KCNQ2: variants seen among roughly 807,000 people sequenced by gnomAD.
KCNQ2 encodes the protein potassium voltage-gated channel subfamily Q member 2, also known as potassium voltage-gated channel subfamily KQT member 2.
KCNQ2 carries 14 observed loss-of-function variants against 84.8 expected under a neutral mutation model. The ratio of observed to expected loss-of-function variants is 0.17; its 90% CI spans 0.11 to 0.26. The LOEUF (loss-of-function observed/expected upper bound fraction) is 0.26, where lower values mean the gene tolerates loss of function less well. Ranked by LOEUF, KCNQ2 falls within the 10% of genes least tolerant of loss-of-function variation. The probability of loss-of-function intolerance (pLI) is 1.00; values close to 1 mark genes in which losing one functional copy is unlikely to be tolerated. For missense variants in KCNQ2, 788 were observed against 1,254.0 expected (o/e 0.63, Z 5.61); for synonymous variants, 599 against 554.1 (o/e 1.08, Z -1.14).
intron 4 of KCNQ2, among the ~76,000 whole-genome samples, chr20:63,442,930 C>T (rs2081252309): frequency 1.1e-5 from 1 of 92,914 alleles, no homozygotes; most frequent in Non-Finnish European, 2.3e-5. Context: ...CCACCATCAC[C>T]ATCACCACCA....
chr20:63,430,130 G>T (rs538853999), intron 9 of KCNQ2, among the ~76,000 whole-genome samples: 7 of 152,344 alleles, frequency 4.6e-5, no homozygotes, highest in African/African-American at 1.4e-4. Flanking sequence ...AGCCACATAG[G>T]AGGCCATGCC....
rs549748322 is a variant in KCNQ2 at position 63,436,709 on chromosome 20, G to A, written c.1023+1916C>T. Reference sequence around the variant, plus strand: ...ATTTGTAAGTGAAAGTACGTGCAGTGTTTTACTGTTTTTTAGACATAATGC... The same window carrying A: ...ATTTGTAAGTGAAAGTACGTGCAGTATTTTACTGTTTTTTAGACATAATGC... On this transcript the variant is annotated intron_variant, in intron 7 of 16. Coordinates refer to ENST00000359125, the MANE Select transcript of KCNQ2 (RefSeq NM_172107.4). Among the ~76,000 whole-genome samples, 51 of 150,550 alleles carry A rather than the reference G, an allele frequency of 3.4e-4. 1 individual carries two copies. Among genetic ancestry groups the A allele is most frequent in the South Asian group, 1.7e-3 (8 of 4,750 alleles).
intron 1 of KCNQ2, among the ~76,000 whole-genome samples, chr20:63,462,208 C>A (rs1255789536): frequency 1.4e-5 from 2 of 138,610 alleles, no homozygotes; most frequent in Non-Finnish European, 3.1e-5. Context: ...CCCCAGGGAG[C>A]AGGGAGGAGG....
intron 10 of KCNQ2, among the ~76,000 whole-genome samples, chr20:63,426,243 C>T (rs555000054): frequency 6.6e-6 from 1 of 152,254 alleles, no homozygotes; most frequent in Non-Finnish European, 1.5e-5. Flanking sequence ...CAGGCCGCAA[C>T]GCCGTTAGAC....
In KCNQ2 at chr20:63,407,391, C is replaced by G. The variant is rs778772353; in HGVS notation, c.1888-16G>C. 3 of 1,597,508 alleles carry G rather than the reference C, an allele frequency of 1.9e-6. No individual in the cohort carries two copies. Among genetic ancestry groups the G allele is most frequent in the Non-Finnish European group, 2.5e-6 (3 of 1,179,540 alleles). On this transcript the variant is annotated splice_polypyrimidine_tract_variant and intron_variant, in intron 16 of 16. Transcript: ENST00000359125. The surrounding 1 kb of genome is among the most constrained non-coding windows in gnomAD (Gnocchi z 7.2). ...TGGACAAGACCTGCAAAAGGGGCTGCTGGGCTGGGGTGCGAGGGCCCGTCC... is the reference window on the plus strand; with the variant it reads ...TGGACAAGACCTGCAAAAGGGGCTGGTGGGCTGGGGTGCGAGGGCCCGTCC...
intron 11 of KCNQ2, among the ~76,000 whole-genome samples, chr20:63,420,580 C>T (rs910018321): frequency 6.6e-6 from 1 of 152,074 alleles, no homozygotes; most frequent in Non-Finnish European, 1.5e-5. Context: ...AAGAAAGCAC[C>T]CAGCCTCCCG....
intron 1 of KCNQ2, among the ~76,000 whole-genome samples, chr20:63,455,532 T>G (rs972671110): frequency 6.6e-6 from 1 of 152,086 alleles, no homozygotes; most frequent in African/African-American, 2.4e-5. Flanking sequence ...AGACTGAGCA[T>G]GGAGCAGCGG....
intron 1 of KCNQ2, among the ~76,000 whole-genome samples, chr20:63,452,026 G>A (rs757082104): frequency 1.2e-4 from 19 of 152,250 alleles, no homozygotes; most frequent in Non-Finnish European, 1.9e-4. Flanking sequence ...GGGCACAGGC[G>A]GCCCGGCCAA....
chr20:63,444,641 CT>C lies in KCNQ2; in HGVS notation c.690+17del. 2 of 1,535,570 alleles carry C rather than the reference CT, an allele frequency of 1.3e-6. No individual in the cohort carries two copies. The highest frequency in any genetic ancestry group is 1.8e-6 in the Non-Finnish European group (2 of 1,135,304). Reference sequence around the variant, plus strand: ...CTGGCTGGGGGCGCCCACCGCCAGCCTTGGGGCCGTGACTCACCTTGCTGTG... The same window carrying C: ...CTGGCTGGGGGCGCCCACCGCCAGCCTGGGGCCGTGACTCACCTTGCTGTG... On this transcript the variant is annotated intron_variant, in intron 4 of 16. Transcript: ENST00000359125.
chr20:63,411,308 C>T (rs984322554), intron 15 of KCNQ2, among the ~76,000 whole-genome samples: 22 of 152,162 alleles, frequency 1.4e-4, no homozygotes, highest in Non-Finnish European at 1.5e-4. Flanking sequence ...AGGTCTGGGC[C>T]GTGCACGTGG....
rs750925697 is a variant in KCNQ2, at chr20:63,413,585, C to T, written c.1632-4G>A. On this transcript the variant is annotated splice_region_variant and splice_polypyrimidine_tract_variant and intron_variant, in intron 14 of 16. Coordinates refer to ENST00000359125, the MANE Select transcript of KCNQ2 (RefSeq NM_172107.4). ...GGACACCAGGAACCGCATGACACTG[C>T]AGGGGGGTGGGTGGGGCTGTGAGCC... The T allele has an allele frequency of 1.2e-6, 2 of 1,609,678 alleles. No homozygotes were observed. The highest frequency in any genetic ancestry group is 1.7e-5 in the Admixed American group (1 of 60,016).
chr20:63,437,806 T>C (rs1471806503), intron 7 of KCNQ2, among the ~76,000 whole-genome samples: 2 of 152,086 alleles, frequency 1.3e-5, no homozygotes, highest in African/African-American at 2.4e-5. Context: ...CTGCTGTCTG[T>C]CCATATTTTC....
intron 5 of KCNQ2, among the ~76,000 whole-genome samples, chr20:63,441,650 C>A (rs1242764385): frequency 1.3e-5 from 1 of 79,574 alleles, no homozygotes; most frequent in Non-Finnish European, 2.6e-5. Context: ...CTGAACCACA[C>A]AAGATGGCTC....
chr20:63,449,661 T>G (rs893460088), intron 1 of KCNQ2, among the ~76,000 whole-genome samples: 3 of 150,490 alleles, frequency 2.0e-5, no homozygotes, highest in African/African-American at 7.3e-5. Context: ...GAGGAGGGAC[T>G]CACCAAAGGC....
At chr20:63,420,823 G>A (rs532602623) in intron 11 of KCNQ2, among the ~76,000 whole-genome samples, 3 of 141,578 alleles carry the variant, frequency 2.1e-5, no homozygotes, top group South Asian at 2.2e-4. Context: ...GTACACAAGC[G>A]ACTTTGGGGT....
intron 1 of KCNQ2, among the ~76,000 whole-genome samples, chr20:63,452,544 C>T (rs897676960): frequency 1.3e-5 from 2 of 152,222 alleles, no homozygotes; most frequent in Non-Finnish European, 2.9e-5. Context: ...GGCCACCAGC[C>T]GGGCACCATG....
intron 9 of KCNQ2, among the ~76,000 whole-genome samples, chr20:63,430,023 G>T (rs190199317): frequency 6.6e-6 from 1 of 152,168 alleles, no homozygotes; most frequent in Non-Finnish European, 1.5e-5. Flanking sequence ...CAGCCTGGCC[G>T]GAGTCTGTCT....
intron 1 of KCNQ2, among the ~76,000 whole-genome samples, chr20:63,470,307 G>A (rs1409477497): frequency 2.0e-5 from 3 of 151,812 alleles, no homozygotes; most frequent in Non-Finnish European, 4.4e-5. Context: ...CAGGCTGGAA[G>A]GCGGGGCTGT....
rs1226318091 is a variant in KCNQ2 at position 63,438,580 on chromosome 20, C to T, written c.1023+45G>A. 4 of 1,550,054 alleles carry T rather than the reference C, an allele frequency of 2.6e-6. No homozygotes were observed. The highest frequency in any genetic ancestry group is 2.7e-5 in the African/African-American group (2 of 73,574). On this transcript the variant is annotated intron_variant, in intron 7 of 16. Transcript: ENST00000359125. This position sits in a 1 kb window ranked among gnomAD's most constrained non-coding sequence, Gnocchi z 5.1. Reference sequence around the variant, plus strand: ...GCCTCCACTCCTCAACAAGGTGGGACCAGGACAAGGGCTGTGCTGGTCCCC... The same window carrying T: ...GCCTCCACTCCTCAACAAGGTGGGATCAGGACAAGGGCTGTGCTGGTCCCC...
Sources: gnomAD v4.1 joint callset for allele counts (sites outside exome capture counted in the v4.1 genomes callset) on GRCh38, gnomAD v4.1.1 for gene constraint, Gnocchi (gnomAD v3.1) non-coding constraint, MANE v1.5 for transcripts, NCBI Gene and HGNC (gene_info 2026-07-23, HGNC 2026-07-21) for gene names.